The following CD200R1 variants were observed in gnomAD, a reference collection of about 807,000 sequenced individuals.
CD200R1 encodes CD200 receptor 1.
CD200R1 carries 30 observed loss-of-function variants against 38.1 expected under a neutral mutation model. The ratio of observed to expected loss-of-function variants is 0.79; its 90% CI spans 0.59 to 1.07. The LOEUF is 1.07. Ranked by LOEUF, CD200R1 falls within the 50% of genes least tolerant of loss-of-function variation. The probability of loss-of-function intolerance (pLI) is 0.00; values close to 1 mark genes in which losing one functional copy is unlikely to be tolerated. For synonymous variants in CD200R1, 128 were observed against 152.1 expected (o/e 0.84, Z 1.16); for missense variants, 372 against 415.4 (o/e 0.90, Z 0.91).
rs558832845 is a variant in CD200R1 at position 112,960,192 on chromosome 3, A to G, written c.68-12268T>C. Among the ~76,000 whole-genome samples the G allele has an allele frequency of 1.4e-4, 22 of 152,150 alleles. No individual in the cohort carries two copies. In the South Asian group the frequency reaches 4.3e-3, roughly 30 times the overall value. On this transcript the variant is annotated intron_variant, in intron 1 of 7. Transcript: ENST00000308611. ...ACACTAAGCATATGGCTTTTTCCTC[A>G]TCACCAGTATGGTAAAGTCAATAGA...
At chr3:112,938,353 A>C (rs1161170237) in intron 2 of CD200R1, among the ~76,000 whole-genome samples, 1 of 152,024 alleles carries the variant, frequency 6.6e-6, no homozygotes, top group Admixed American at 6.6e-5. Flanking sequence ...ATAATTGACA[A>C]GCCATTAGCT....
chr3:112,940,527 C>T (rs971177055), intron 2 of CD200R1, among the ~76,000 whole-genome samples: 2 of 151,668 alleles, frequency 1.3e-5, no homozygotes, highest in African/African-American at 4.8e-5. Context: ...AGAAGACATA[C>T]ATATGGTTAA....
intron 2 of CD200R1, among the ~76,000 whole-genome samples, chr3:112,938,539 C>G (rs925051379): frequency 6.6e-6 from 1 of 151,880 alleles, no homozygotes; most frequent in Non-Finnish European, 1.5e-5. Flanking sequence ...TACAGACAAC[C>G]TAACAACTTT....
chr3:112,932,522 A>AAACATGGCC (rs1940469326), intron 2 of CD200R1, among the ~76,000 whole-genome samples: 1 of 151,802 alleles, frequency 6.6e-6, no homozygotes, highest in African/African-American at 2.4e-5. Context: ...CCTCCCCAAC[A>AAACATGGCC]AACATGGCCA....
chr3:112,926,802 AAAGAG>A (rs1940290744), intron 5 of CD200R1, among the ~76,000 whole-genome samples: 2 of 120,070 alleles, frequency 1.7e-5, no homozygotes, highest in African/African-American at 3.1e-5. Context: ...CTGCAAAGAC[AAAGAG>A]AAGAGGATGA....
chr3:112,966,996 C>T (rs1258822787), intron 1 of CD200R1, among the ~76,000 whole-genome samples: 2 of 152,132 alleles, frequency 1.3e-5, no homozygotes, highest in Non-Finnish European at 2.9e-5. Context: ...TGCTGGTGTT[C>T]CTAAGTTGTT....
At chr3:112,955,388 T>C (rs2107333003) in intron 1 of CD200R1, among the ~76,000 whole-genome samples, 1 of 152,302 alleles carries the variant, frequency 6.6e-6, no homozygotes, top group South Asian at 2.1e-4. Context: ...GATCTATTAA[T>C]ACTTGATTTT....
At chr3:112,961,913 CT>C (rs1220183144) in intron 1 of CD200R1, among the ~76,000 whole-genome samples, 9 of 152,026 alleles carry the variant, frequency 5.9e-5, no homozygotes, top group Non-Finnish European at 1.2e-4. Flanking sequence ...TATAATTCTA[CT>C]CTTTAGGTAC....
chr3:112,926,790 A>G (rs1401169468), intron 5 of CD200R1, among the ~76,000 whole-genome samples: 2 of 151,992 alleles, frequency 1.3e-5, no homozygotes, highest in Non-Finnish European at 2.9e-5. Context: ...TTTAGTGTAG[A>G]TCTGCAAAGA....
At chr3:112,954,806 C>T (rs1253019383) in intron 1 of CD200R1, among the ~76,000 whole-genome samples, 1 of 152,146 alleles carries the variant, frequency 6.6e-6, no homozygotes, top group Admixed American at 6.5e-5. Flanking sequence ...TCATAATAAA[C>T]TAGTAAACAT....
intron 1 of CD200R1, among the ~76,000 whole-genome samples, chr3:112,955,915 T>C (rs1441788584): frequency 6.6e-6 from 1 of 152,138 alleles, no homozygotes; most frequent in Non-Finnish European, 1.5e-5. Flanking sequence ...TTGCTTCTTT[T>C]CTTTTGCTGC....
rs568912099 is a variant in CD200R1, at chr3:112,964,630, C to A, written c.67+10161G>T. ...TTGTATCTAGGAAGTAACTAACTTG[C>A]TTTTGATTTTACAGGCTCATAGGCA... On this transcript the variant is annotated intron_variant, in intron 1 of 7. Coordinates refer to ENST00000308611, the MANE Select transcript of CD200R1 (RefSeq NM_138806.4). 2.0e-5 allele frequency among the ~76,000 whole-genome samples: 3 copies of A among 152,322 alleles called. No homozygotes were observed. In the South Asian group the frequency reaches 6.2e-4, roughly 32 times the overall value.
chr3:112,925,059 A>C lies in CD200R1; in HGVS notation c.878+26T>G. The C allele has an allele frequency of 2.2e-6, 3 of 1,343,942 alleles. No homozygotes were observed. The Middle Eastern group carries it at 5.4e-4, about 244-fold the overall frequency. The allele number at this position is 1,343,942 out of a possible 1,614,324, so 83.3% of individuals were successfully genotyped here. A position where few individuals can be genotyped will look rare whatever the true frequency, so the allele number is the denominator to read the frequency against. ...TTTTCTAGCCTAATAAAGCTGAAGAAGAAAAAAACATTCATTAGTCAATAC... is the reference window on the plus strand; with the variant it reads ...TTTTCTAGCCTAATAAAGCTGAAGACGAAAAAAACATTCATTAGTCAATAC... On this transcript the variant is annotated intron_variant, in intron 6 of 7. Transcript: ENST00000308611.
At chr3:112,926,674 A>C (rs1320673959) in intron 5 of CD200R1, among the ~76,000 whole-genome samples, 1 of 152,128 alleles carries the variant, frequency 6.6e-6, no homozygotes, top group Non-Finnish European at 1.5e-5. Context: ...AAAAACCTAC[A>C]CATATGACTT....
At chr3:112,936,588 T>G (rs1050133489) in intron 2 of CD200R1, among the ~76,000 whole-genome samples, 3 of 152,190 alleles carry the variant, frequency 2.0e-5, no homozygotes, top group Non-Finnish European at 4.4e-5. Context: ...GTTTCTTGGT[T>G]GCATGTATGT....
chr3:112,934,850 A>G (rs926952115), intron 2 of CD200R1, among the ~76,000 whole-genome samples: 3 of 152,056 alleles, frequency 2.0e-5, no homozygotes, highest in Non-Finnish European at 4.4e-5. Context: ...ACTATATGCC[A>G]CCTACAGGAA....
chr3:112,932,756 G>A (rs1012719724), intron 2 of CD200R1, among the ~76,000 whole-genome samples: 1 of 151,924 alleles, frequency 6.6e-6, no homozygotes, highest in Admixed American at 6.5e-5. Flanking sequence ...AAACAGCAGG[G>A]CAGATCCACT....
At chr3:112,960,906 C>T (rs1271017394) in intron 1 of CD200R1, among the ~76,000 whole-genome samples, 1 of 151,922 alleles carries the variant, frequency 6.6e-6, no homozygotes, top group East Asian at 1.9e-4. Context: ...CAGATTAGTA[C>T]TTACTTTTTT....
chr3:112,945,826 G>A (rs996087489), intron 2 of CD200R1, among the ~76,000 whole-genome samples: 4 of 152,014 alleles, frequency 2.6e-5, no homozygotes, highest in Middle Eastern at 3.2e-3. Context: ...TCAGGAAATC[G>A]AGACCATCTT....
Sources: gnomAD v4.1 joint callset for allele counts (sites outside exome capture counted in the v4.1 genomes callset) on GRCh38, gnomAD v4.1.1 for gene constraint, MANE v1.5 for transcripts, NCBI Gene and HGNC (gene_info 2026-07-23, HGNC 2026-07-21) for gene names.